Variants in SND1 observed in about 807,000 individuals in gnomAD.
SND1 encodes the protein staphylococcal nuclease and tudor domain containing 1.
A neutral mutation model predicts 121.7 loss-of-function variants in SND1; 38 were observed. The ratio of observed to expected loss-of-function variants is 0.31; its 90% CI spans 0.24 to 0.41. The LOEUF (loss-of-function observed/expected upper bound fraction) is 0.41. SND1 is among the 10% of genes least tolerant of loss of function. The pLI is 1.00. For missense variants in SND1, 868 were observed against 1,184.6 expected (o/e 0.73, Z 3.92); for synonymous variants, 401 against 447.4 (o/e 0.90, Z 1.31).
rs1044313052 is a variant in SND1 at position 127,767,812 on chromosome 7, T to C, written c.1153-39672T>C. Among the ~76,000 whole-genome samples the C allele has an allele frequency of 2.6e-5, 4 of 152,222 alleles. No individual in the cohort carries two copies. The South Asian group carries it at 6.2e-4, about 24-fold the overall frequency. On this transcript the variant is annotated intron_variant, in intron 10 of 23. Coordinates refer to ENST00000354725, the MANE Select transcript of SND1 (RefSeq NM_014390.4). ...TTTCCTTAAATTCTATAATCTTATA[T>C]AGATACATCTTACCTCTGAGTAGAG...
intron 1 of SND1, among the ~76,000 whole-genome samples, chr7:127,677,609 T>C (rs948563758): frequency 2.6e-5 from 4 of 152,204 alleles, no homozygotes; most frequent in African/African-American, 7.2e-5. Context: ...TTGCCAGCCA[T>C]ATGGTCTCTG....
At position 127,691,012 on chromosome 7, in the gene SND1, G is replaced by A. The variant is rs572435786; in HGVS notation, c.229-3816G>A. 3.3e-5 allele frequency among the ~76,000 whole-genome samples: 5 copies of A among 152,226 alleles called. No individual in the cohort carries two copies. In the South Asian group the frequency reaches 8.3e-4, roughly 25 times the overall value. On this transcript the variant is annotated intron_variant, in intron 2 of 23. Coordinates refer to ENST00000354725, the MANE Select transcript of SND1 (RefSeq NM_014390.4). ...TCACTGTTCCAAGCTAATCCCCAGCGTTGCCTAGCTACTCCAGGCAGCTTA... is the reference window on the plus strand; with the variant it reads ...TCACTGTTCCAAGCTAATCCCCAGCATTGCCTAGCTACTCCAGGCAGCTTA...
chr7:128,090,394 G>A (rs1049231782), intron 22 of SND1, among the ~76,000 whole-genome samples: 6 of 152,188 alleles, frequency 3.9e-5, no homozygotes, highest in Admixed American at 1.3e-4. Context: ...ACATTTCTGA[G>A]TCCCTCTCTA....
intron 13 of SND1, among the ~76,000 whole-genome samples, chr7:127,903,870 GTC>G (rs1283693207): frequency 6.6e-6 from 1 of 152,166 alleles, no homozygotes; most frequent in African/African-American, 2.4e-5. Flanking sequence ...AAAAAGTTGA[GTC>G]TCCATAGACA....
intron 16 of SND1, among the ~76,000 whole-genome samples, chr7:128,046,668 A>C (rs1283912278): frequency 6.6e-6 from 1 of 151,884 alleles, no homozygotes; most frequent in African/African-American, 2.4e-5. Context: ...CCTGCCTCCC[A>C]TGCTGGTTTA....
intron 14 of SND1, among the ~76,000 whole-genome samples, chr7:127,908,318 A>ATGTG (rs10579969): frequency 0.043 from 5,977 of 138,428 alleles, 131 homozygotes; most frequent in Non-Finnish European, 0.057. Flanking sequence ...ATAATAATAA[A>ATGTG]TGTGTGTGTG....
chr7:127,955,482 C>T (rs560277198), intron 15 of SND1, among the ~76,000 whole-genome samples: 2 of 152,280 alleles, frequency 1.3e-5, no homozygotes, highest in South Asian at 2.1e-4. Context: ...AGCTACTTCT[C>T]TCCCCCTAGC....
chr7:127,790,252 C>G (rs906987230), intron 10 of SND1, among the ~76,000 whole-genome samples: 2 of 152,114 alleles, frequency 1.3e-5, no homozygotes, highest in African/African-American at 4.8e-5. Flanking sequence ...GAGGAGGTCA[C>G]CTTGTACATA....
intron 12 of SND1, among the ~76,000 whole-genome samples, chr7:127,849,538 G>T (rs921372232): frequency 6.6e-6 from 1 of 152,134 alleles, no homozygotes; most frequent in Non-Finnish European, 1.5e-5. Context: ...CTCATCCATG[G>T]AAAACTGTCA....
At chr7:127,902,968 A>G (rs1391409935) in intron 13 of SND1, among the ~76,000 whole-genome samples, 6 of 150,690 alleles carry the variant, frequency 4.0e-5, no homozygotes, top group Non-Finnish European at 8.9e-5. Flanking sequence ...TGCAACCTCC[A>G]CCTCCCGGGT....
intron 10 of SND1, among the ~76,000 whole-genome samples, chr7:127,793,517 G>A (rs1029453117): frequency 3.3e-4 from 50 of 152,076 alleles, no homozygotes; most frequent in African/African-American, 1.2e-3. Flanking sequence ...TTTGTGTTAA[G>A]GGAGTTAGGT....
chr7:127,737,713 C>T (rs1448462033), intron 10 of SND1, among the ~76,000 whole-genome samples: 1 of 152,208 alleles, frequency 6.6e-6, no homozygotes, highest in East Asian at 1.9e-4. Context: ...AATGTGCTCA[C>T]TAGATGAGGA....
At position 128,029,963 on chromosome 7, in the gene SND1, T is replaced by G. The variant is rs369549077; in HGVS notation, c.1779+38907T>G. 2 of 1,613,144 alleles carry G rather than the reference T, an allele frequency of 1.2e-6. No individual in the cohort carries two copies. The highest frequency in any genetic ancestry group is 1.7e-6 in the Non-Finnish European group (2 of 1,180,018). On this transcript the variant is annotated intron_variant, in intron 16 of 23. Coordinates refer to ENST00000354725, the MANE Select transcript of SND1 (RefSeq NM_014390.4). This position sits in a 1 kb window ranked among gnomAD's most constrained non-coding sequence, Gnocchi z 4.2. ...GCCTGATCTCAGGGAAGTGGTTCCC[T>G]GACATCTCCAGCTCCTCCAGCCCCA...
chr7:127,878,430 A>T (rs1399741655), intron 12 of SND1, among the ~76,000 whole-genome samples: 1 of 152,184 alleles, frequency 6.6e-6, no homozygotes, highest in African/African-American at 2.4e-5. Context: ...ATGTTGCCAT[A>T]TAACCACAGC....
chr7:127,949,200 G>T (rs1440878600), intron 15 of SND1: 2 of 152,196 alleles, frequency 1.3e-5, no homozygotes, highest in Non-Finnish European at 2.9e-5. Flanking sequence ...AGCCCTGTTC[G>T]CTCTTAAATC....
intron 16 of SND1, among the ~76,000 whole-genome samples, chr7:128,043,861 T>TACAC (rs1245346212): frequency 2.0e-5 from 1 of 48,920 alleles, no homozygotes; most frequent in Non-Finnish European, 3.6e-5. Flanking sequence ...TATATACACA[T>TACAC]ATACACACAC....
intron 1 of SND1, among the ~76,000 whole-genome samples, chr7:127,658,157 C>CA (rs1389795563): frequency 3.3e-5 from 5 of 151,656 alleles, no homozygotes; most frequent in Admixed American, 6.6e-5. Flanking sequence ...ACTAAAAATA[C>CA]AAAAAAAATT....
chr7:127,999,038 T>A (rs1802751018), intron 16 of SND1: 1 of 152,272 alleles, frequency 6.6e-6, no homozygotes, highest in South Asian at 2.1e-4. Context: ...CTGTGCCTAA[T>A]TTTTCATTGG....
At chr7:127,704,354 G>A (rs1041334961) in intron 7 of SND1, among the ~76,000 whole-genome samples, 1 of 152,214 alleles carries the variant, frequency 6.6e-6, no homozygotes, top group Non-Finnish European at 1.5e-5. Context: ...TGCCCTGCCA[G>A]ATGGCTCTGT....
Sources: allele counts gnomAD v4.1 joint callset (sites outside exome capture counted in the v4.1 genomes callset), GRCh38; gene constraint gnomAD v4.1.1; non-coding constraint Gnocchi (gnomAD v3.1); transcripts MANE v1.5; gene names NCBI Gene and HGNC (gene_info 2026-07-23, HGNC 2026-07-21).